Variants in NTRK3 observed in about 807,000 individuals in gnomAD.
NTRK3 encodes NT-3 growth factor receptor.
NTRK3 carries 24 observed loss-of-function variants against 91.7 expected under a neutral mutation model. The ratio of observed to expected loss-of-function variants is 0.26; its 90% CI spans 0.19 to 0.37. The LOEUF (loss-of-function observed/expected upper bound fraction) is 0.37, where lower values mean the gene tolerates loss of function less well. Ranked by LOEUF, NTRK3 falls within the 10% of genes least tolerant of loss-of-function variation. The pLI is 1.00. For missense variants in NTRK3, 880 were observed against 1,068.9 expected, an observed-to-expected ratio of 0.82 and a Z score of 2.46; for synonymous variants, 483 against 404.0, an observed-to-expected ratio of 1.20 and a Z score of -2.34.
chr15:88,063,610 C>G (rs2046399926), intron 13 of NTRK3, among the ~76,000 whole-genome samples: 1 of 152,198 alleles, frequency 6.6e-6, no homozygotes, highest in African/African-American at 2.4e-5. Context: ...CTGAGCTATC[C>G]TGGGACAGTG....
intron 17 of NTRK3, among the ~76,000 whole-genome samples, chr15:87,911,404 C>G (rs531212737): frequency 2.0e-5 from 3 of 152,302 alleles, no homozygotes; most frequent in South Asian, 4.1e-4. Flanking sequence ...ACTTTGAGAT[C>G]ATCTTCTGAA....
In NTRK3 at chr15:87,868,145, G is replaced by C. The variant is rs574273743; in HGVS notation, c.*8790C>G. 10 of 231,840 alleles carry C rather than the reference G, an allele frequency of 4.3e-5. No homozygotes were observed. The East Asian group carries it at 6.1e-4, about 14-fold the overall frequency. The allele number at this position is 231,840 out of a possible 1,614,324, so 14.4% of individuals were successfully genotyped here. Reference sequence around the variant, plus strand: ...GGCATATGGATTTGTATACCAGTAGGATTGTGGAGGCTTTTGTGTGTGTGT... The same window carrying C: ...GGCATATGGATTTGTATACCAGTAGCATTGTGGAGGCTTTTGTGTGTGTGT... On this transcript the variant is annotated 3_prime_UTR_variant, in exon 19 of 19. Transcript: ENST00000394480.
At chr15:87,896,149 A>G (rs1225185398) in intron 17 of NTRK3, among the ~76,000 whole-genome samples, 1 of 152,158 alleles carries the variant, frequency 6.6e-6, no homozygotes, top group African/African-American at 2.4e-5. Context: ...GGCCATGGTC[A>G]CTCATATTTG....
chr15:87,911,441 A>G (rs888087623), intron 17 of NTRK3, among the ~76,000 whole-genome samples: 2 of 152,240 alleles, frequency 1.3e-5, no homozygotes, highest in Non-Finnish European at 2.9e-5. Flanking sequence ...AGGCATCTGT[A>G]TAATGTGGTT....
chr15:87,969,829 G>C (rs1040658985), intron 14 of NTRK3, among the ~76,000 whole-genome samples: 3 of 152,102 alleles, frequency 2.0e-5, no homozygotes, highest in Non-Finnish European at 4.4e-5. Flanking sequence ...GAGAACTCCC[G>C]CTTGGCCTTG....
intron 14 of NTRK3, among the ~76,000 whole-genome samples, chr15:88,028,392 G>A (rs374406513): frequency 2.0e-5 from 3 of 152,180 alleles, no homozygotes; most frequent in African/African-American, 4.8e-5. Context: ...AAAGTGACTC[G>A]GATGCTAAGG....
Position 88,029,534 on chromosome 15 carries a change from A to G in NTRK3, c.1585+3323T>C, listed in dbSNP as rs553796663. 1.6e-4 allele frequency among the ~76,000 whole-genome samples: 25 copies of G among 152,374 alleles called. No individual in the cohort carries two copies. The South Asian group carries it at 3.7e-3, about 23-fold the overall frequency. Reference sequence around the variant, plus strand: ...AATCCATCACTGGGGGGATGGGGAAATAAGGGGTGAAGTCAGGTAGCATTA... The same window carrying G: ...AATCCATCACTGGGGGGATGGGGAAGTAAGGGGTGAAGTCAGGTAGCATTA... On this transcript the variant is annotated intron_variant, in intron 14 of 18. Coordinates refer to ENST00000394480, the Ensembl canonical transcript of NTRK3.
chr15:88,013,557 C>A (rs905846692), intron 14 of NTRK3, among the ~76,000 whole-genome samples: 3 of 152,220 alleles, frequency 2.0e-5, no homozygotes, highest in African/African-American at 4.8e-5. Context: ...GATCTGACAG[C>A]ATTAAGTAAC....
At chr15:87,921,901 G>T (rs1475849905) in intron 17 of NTRK3, among the ~76,000 whole-genome samples, 1 of 150,940 alleles carries the variant, frequency 6.6e-6, no homozygotes, top group Non-Finnish European at 1.5e-5. Flanking sequence ...AAAAACTATT[G>T]TTGCTGCACA....
intron 3 of NTRK3, among the ~76,000 whole-genome samples, chr15:88,248,717 A>G (rs974641553): frequency 1.3e-5 from 2 of 152,162 alleles, no homozygotes; most frequent in African/African-American, 2.4e-5. Context: ...GGCTAATAAT[A>G]GTACTTATCT....
intron 5 of NTRK3, among the ~76,000 whole-genome samples, chr15:88,164,844 A>G (rs1271917195): frequency 6.6e-6 from 1 of 152,236 alleles, no homozygotes; most frequent in Non-Finnish European, 1.5e-5. Context: ...AATTTATACC[A>G]TGCAGTCTTT....
Position 88,136,387 on chromosome 15 carries a change from C to T in NTRK3, c.765+80G>A, listed in dbSNP as rs571915953. On this transcript the variant is annotated intron_variant, in intron 8 of 18. Transcript: ENST00000394480. ...GTGTTTTTTCCTATAGTAACAAGAC[C>T]GCAAATTTTCCCTCTTCTTCAAGAC... 335 of 1,587,286 alleles carry T rather than the reference C, an allele frequency of 2.1e-4. 1 individual carries two copies. Among genetic ancestry groups the T allele is most frequent in the Middle Eastern group, 1.9e-3 (11 of 5,854 alleles).
At chr15:88,121,534 C>A (rs1411115423) in intron 13 of NTRK3, among the ~76,000 whole-genome samples, 1 of 152,126 alleles carries the variant, frequency 6.6e-6, no homozygotes, top group Non-Finnish European at 1.5e-5. Context: ...AATTCTGAAC[C>A]ATCTCACTTC....
intron 13 of NTRK3, among the ~76,000 whole-genome samples, chr15:88,061,925 C>T (rs1265737358): frequency 1.3e-5 from 2 of 152,116 alleles, no homozygotes; most frequent in Non-Finnish European, 2.9e-5. Flanking sequence ...ATAGGACAAT[C>T]GACCTTCGGT....
chr15:88,145,429 C>T (rs558717113), intron 6 of NTRK3, among the ~76,000 whole-genome samples: 1 of 152,270 alleles, frequency 6.6e-6, no homozygotes, highest in East Asian at 1.9e-4. Context: ...GTGGTACTCA[C>T]ACACTGACTC....
At chr15:88,170,223 T>A (rs961087284) in intron 5 of NTRK3, among the ~76,000 whole-genome samples, 9 of 152,194 alleles carry the variant, frequency 5.9e-5, no homozygotes, top group Non-Finnish European at 8.8e-5. Context: ...AATGATTACA[T>A]GCCAGCTTCA....
chr15:88,097,719 G>T (rs182867103), intron 13 of NTRK3, among the ~76,000 whole-genome samples: 1 of 152,304 alleles, frequency 6.6e-6, no homozygotes, highest in East Asian at 1.9e-4. Flanking sequence ...CTTTAAAAAC[G>T]ATGGTTATAA....
At chr15:87,916,326 C>T in intron 17 of NTRK3, 1 of 409,386 alleles carries the variant, frequency 2.4e-6, no homozygotes, top group South Asian at 7.4e-5. Context: ...AAAAAAAGGC[C>T]TTTTGCACTT....
chr15:87,960,246 A>C (rs1161317125), intron 14 of NTRK3, among the ~76,000 whole-genome samples: 2 of 152,218 alleles, frequency 1.3e-5, no homozygotes, highest in Non-Finnish European at 2.9e-5. Context: ...CTAGGGAAAT[A>C]GGAAGAAATT....
Sources: allele counts gnomAD v4.1 joint callset (sites outside exome capture counted in the v4.1 genomes callset), GRCh38; gene constraint gnomAD v4.1.1; transcripts MANE v1.5; gene names NCBI Gene and HGNC (gene_info 2026-07-23, HGNC 2026-07-21).